ACTL8: variants seen among roughly 807,000 people sequenced by gnomAD.
ACTL8 encodes the protein actin like 8, also known as actin-like protein 8.
Under a neutral mutation model 9.3 loss-of-function variants are expected in ACTL8, and 3 were observed. That is an observed-to-expected ratio of 0.32 (90% confidence interval 0.15 to 0.83). ACTL8 has a LOEUF of 0.83. ACTL8 is among the 40% of genes least tolerant of loss of function. ACTL8 has a pLI of 0.57. For synonymous variants in ACTL8, 224 were observed against 205.9 expected (o/e 1.09, Z -0.75); for missense variants, 381 against 492.2 (o/e 0.77, Z 2.14).
rs757265158 is a variant in ACTL8, at chr1:17,826,440, C to T, written c.1022C>T (p.Ala341Val). The T allele has an allele frequency of 9.9e-6, 16 of 1,613,542 alleles. No homozygotes were observed. Among genetic ancestry groups the T allele is most frequent in the Non-Finnish European group, 1.3e-5 (15 of 1,179,736 alleles). ...AGAAACTTTAGTGTCTGGCTAGGAG[C>T]GTCCGTGGTGGCTCACCTTTCTACC... ...SNRNFSVWLG[A>V]SVVAHLSTYQ... Residue 341 changes from alanine to valine, a missense_variant, in exon 3 of 3, where the codon GCG (alanine) becomes GTG (valine). Physicochemically the swap from Ala to Val is moderately conservative, Grantham distance 64. Transcript: ENST00000375406. The surrounding 1 kb of genome is among the most constrained non-coding windows in gnomAD (Gnocchi z 4.5).
In ACTL8 at chr1:17,773,794, A is replaced by G. The variant is rs576087769; in HGVS notation, c.-25+18290A>G. On this transcript the variant is annotated intron_variant, in intron 1 of 2. Coordinates refer to ENST00000375406, the MANE Select transcript of ACTL8 (RefSeq NM_030812.3). ...AGGAGAGGCAATTCATGCAGAGTCC[A>G]TAGAACAGCACTTGGCCCATGCCGA... is the stretch of plus-strand genomic sequence containing the variant. 1.6e-4 allele frequency among the ~76,000 whole-genome samples: 24 copies of G among 152,374 alleles called. No homozygotes were observed. The South Asian group carries it at 4.6e-3, about 29-fold the overall frequency.
In ACTL8 at chr1:17,776,087, C is replaced by T. The variant is rs78386166; in HGVS notation, c.-25+20583C>T. ...AATGATGGGGACAGGATTTGTCCCC[C>T]TTAGCCTTGCCTCCCCAACCAAAAC... On this transcript the variant is annotated intron_variant, in intron 1 of 2. Coordinates refer to ENST00000375406, the MANE Select transcript of ACTL8 (RefSeq NM_030812.3). Among the ~76,000 whole-genome samples, 1,304 of 152,238 alleles carry T rather than the reference C, an allele frequency of 8.6e-3. 17 individuals carry two copies. The highest frequency in any genetic ancestry group is 0.03 in the African/African-American group (1,233 of 41,526).
intron 1 of ACTL8, among the ~76,000 whole-genome samples, chr1:17,779,653 AG>A (rs1251032723): frequency 6.6e-6 from 1 of 152,146 alleles, no homozygotes; most frequent in Non-Finnish European, 1.5e-5. Context: ...TCAGAGATCC[AG>A]GGTTGCTTTC....
At chr1:17,811,868 G>C (rs1310602205) in intron 1 of ACTL8, among the ~76,000 whole-genome samples, 1 of 144,918 alleles carries the variant, frequency 6.9e-6, no homozygotes, top group African/African-American at 2.5e-5. Context: ...TGGGTTTTCT[G>C]TCTTTTTTTT....
At chr1:17,803,378 A>C (rs572915788) in intron 1 of ACTL8, among the ~76,000 whole-genome samples, 1 of 152,314 alleles carries the variant, frequency 6.6e-6, no homozygotes, top group East Asian at 1.9e-4. Context: ...CCCAGGCTAG[A>C]GTGCACTAGT....
chr1:17,775,081 T>C (rs2066109862), intron 1 of ACTL8, among the ~76,000 whole-genome samples: 1 of 152,160 alleles, frequency 6.6e-6, no homozygotes, highest in Non-Finnish European at 1.5e-5. Flanking sequence ...GGCTCAGCCT[T>C]CTGCAGCTGC....
At chr1:17,761,799 G>A (rs564470155) in intron 1 of ACTL8, among the ~76,000 whole-genome samples, 7 of 152,208 alleles carry the variant, frequency 4.6e-5, no homozygotes, top group Middle Eastern at 3.4e-3. Context: ...TCGAACTCCC[G>A]ACCTCAGGTG....
chr1:17,780,328 A>G (rs1290304740), intron 1 of ACTL8, among the ~76,000 whole-genome samples: 1 of 152,168 alleles, frequency 6.6e-6, no homozygotes, highest in East Asian at 1.9e-4. Context: ...GGGAGAACTG[A>G]GGCTCAGAGA....
At chr1:17,779,354 C>T (rs1450412959) in intron 1 of ACTL8, among the ~76,000 whole-genome samples, 1 of 152,220 alleles carries the variant, frequency 6.6e-6, no homozygotes, top group Non-Finnish European at 1.5e-5. Context: ...GACTGCCTCC[C>T]TCCCCATTAA....
At chr1:17,819,488 G>C (rs1393998414) in intron 1 of ACTL8, among the ~76,000 whole-genome samples, 2 of 152,218 alleles carry the variant, frequency 1.3e-5, no homozygotes, top group African/African-American at 4.8e-5. Flanking sequence ...TGGCTCTCAT[G>C]CTCAATAGTG....
At chr1:17,822,871 G>A in intron 1 of ACTL8, 114 bp from the exon 2 acceptor site, 2 of 681,992 alleles carry the variant, frequency 2.9e-6, no homozygotes, top group Non-Finnish European at 4.9e-6. Flanking sequence ...GGCTTGGAAG[G>A]GGCAGTGGAC....
intron 1 of ACTL8, among the ~76,000 whole-genome samples, chr1:17,799,028 G>A (rs2066300155): frequency 6.6e-6 from 1 of 152,140 alleles, no homozygotes; most frequent in African/African-American, 2.4e-5. Context: ...CTCTCCCTAA[G>A]CGATGCCCAC....
At position 17,823,024 on chromosome 1, in the gene ACTL8, G is replaced by C. The variant is rs773193212; in HGVS notation, c.16G>C (p.Val6Leu). 1.9e-5 allele frequency: 30 copies of C among 1,613,818 alleles called. No homozygotes were observed. Among genetic ancestry groups the C allele is most frequent in the Non-Finnish European group, 2.4e-5 (28 of 1,179,946 alleles). Residue 6 changes from valine (V) to leucine (L), a missense_variant, in exon 2 of 3, where the codon GTT becomes CTT. Coordinates refer to ENST00000375406, the MANE Select transcript of ACTL8 (RefSeq NM_030812.3). This position sits in a 1 kb window ranked among gnomAD's most constrained non-coding sequence, Gnocchi z 5.3. Reference sequence around the variant, plus strand: ...TGCCTCCGCCATGGCTGCAAGAACCGTTATCATTGACCACGGGTCTGGCTT... The same window carrying C: ...TGCCTCCGCCATGGCTGCAAGAACCCTTATCATTGACCACGGGTCTGGCTT... MAART[V>L]IIDHGSGFLK...
rs139975555 is a variant in ACTL8 at position 17,810,688 on chromosome 1, G to A, written c.-24-12297G>A. On this transcript the variant is annotated intron_variant, in intron 1 of 2. Transcript: ENST00000375406. ...TCCTGTATAGTTAACTCTTCTCACC[G>A]CCCCAGAAACGACTGATCTGTTTTG... Among the ~76,000 whole-genome samples the A allele has an allele frequency of 2.2e-4, 33 of 152,198 alleles. No homozygotes were observed. The East Asian group carries it at 4.8e-3, about 22-fold the overall frequency.
chr1:17,826,588 G>T lies in ACTL8; in HGVS notation c.*69G>T. ...ACGGGCGGATTAATTTTAGCAAAATGTTCTGGGTGGGGGTAGAATGAGGTG... is the reference window on the plus strand; with the variant it reads ...ACGGGCGGATTAATTTTAGCAAAATTTTCTGGGTGGGGGTAGAATGAGGTG... On this transcript the variant is annotated 3_prime_UTR_variant, in exon 3 of 3. Coordinates refer to ENST00000375406, the MANE Select transcript of ACTL8 (RefSeq NM_030812.3). This position sits in a 1 kb window ranked among gnomAD's most constrained non-coding sequence, Gnocchi z 4.5. 8 of 1,397,272 alleles carry T rather than the reference G, an allele frequency of 5.7e-6. No individual in the cohort carries two copies. Among genetic ancestry groups the T allele is most frequent in the Non-Finnish European group, 6.6e-6 (7 of 1,053,408 alleles). 86.6% of individuals were successfully genotyped at this position (1,397,272 alleles called of 1,614,324 possible).
At chr1:17,803,281 T>A (rs539014656) in intron 1 of ACTL8, among the ~76,000 whole-genome samples, 5 of 152,318 alleles carry the variant, frequency 3.3e-5, no homozygotes, top group Admixed American at 2.6e-4. Flanking sequence ...ACCATGATTG[T>A]AAGTTCCTGA....
At chr1:17,784,289 C>T (rs1180768602) in intron 1 of ACTL8, among the ~76,000 whole-genome samples, 3 of 152,152 alleles carry the variant, frequency 2.0e-5, no homozygotes, top group South Asian at 2.1e-4. Flanking sequence ...AACTCACTAT[C>T]TTGAGGACAG....
chr1:17,804,924 T>A (rs1570032988), intron 1 of ACTL8, among the ~76,000 whole-genome samples: 1 of 152,150 alleles, frequency 6.6e-6, no homozygotes, highest in East Asian at 1.9e-4. Context: ...AGTCCTCATC[T>A]TCTATCCTCA....
intron 1 of ACTL8, among the ~76,000 whole-genome samples, chr1:17,778,094 T>C (rs1378337441): frequency 6.6e-6 from 1 of 152,212 alleles, no homozygotes; most frequent in East Asian, 1.9e-4. Context: ...GAGGGCTGAA[T>C]GGGAGACAAG....
Sources: gnomAD v4.1 joint callset for allele counts (sites outside exome capture counted in the v4.1 genomes callset) on GRCh38, gnomAD v4.1.1 for gene constraint, Gnocchi (gnomAD v3.1) non-coding constraint, MANE v1.5 for transcripts, NCBI Gene and HGNC (gene_info 2026-07-23, HGNC 2026-07-21) for gene names.